The following DDB2 variants were observed in gnomAD, a reference collection of about 807,000 sequenced individuals.
The protein encoded by DDB2 is DNA damage-binding protein 2.
In DDB2, 27 loss-of-function variants were observed where a neutral mutation model predicts 50.5. The observed-to-expected ratio is 0.53, with a 90% confidence interval of 0.39 to 0.74. The LOEUF is 0.74. Ranked by LOEUF, DDB2 falls within the 30% of genes least tolerant of loss-of-function variation. The pLI is 0.00. For synonymous variants in DDB2, 176 were observed against 205.5 expected, an observed-to-expected ratio of 0.86 and a Z score of 1.23; for missense variants, 424 against 545.6, an observed-to-expected ratio of 0.78 and a Z score of 2.22.
chr11:47,230,281 C>T (rs186707579), intron 3 of DDB2, among the ~76,000 whole-genome samples: 1 of 152,226 alleles, frequency 6.6e-6, no homozygotes, highest in East Asian at 1.9e-4. Context: ...GTTTTGAACT[C>T]CTGGCCTTAA....
At chr11:47,216,198 C>T (rs1386592078) in intron 1 of DDB2, 138 bp from the exon 2 acceptor site, 8 of 1,309,056 alleles carry the variant, frequency 6.1e-6, no homozygotes, top group Non-Finnish European at 7.7e-6. Context: ...GTTGAGACCA[C>T]ACAGACATGG....
intron 3 of DDB2, among the ~76,000 whole-genome samples, chr11:47,218,621 G>A (rs957696403): frequency 6.6e-5 from 10 of 151,986 alleles, no homozygotes; most frequent in East Asian, 1.9e-4. Context: ...TGAGTGTGTC[G>A]TCCCCTCTAG....
At position 47,237,713 on chromosome 11, in the gene DDB2, G is replaced by C. The variant is rs3781620; in HGVS notation, c.1024-124G>C. On this transcript the variant is annotated intron_variant, in intron 7 of 9. Coordinates refer to ENST00000256996, the MANE Select transcript of DDB2 (RefSeq NM_000107.3). ...GCCTCCCAAAGTGTTGAGATTACAG[G>C]TGTGAGCCACTGCACTCAGCCCAAA... 0.22 allele frequency: 207,946 copies of C among 961,424 alleles called. 30,249 individuals carry two copies. The highest frequency in any genetic ancestry group is 0.65 in the East Asian group (26,419 of 40,358). 59.6% of individuals were successfully genotyped at this position (961,424 alleles called of 1,614,324 possible). A position where few individuals can be genotyped will look rare whatever the true frequency, so the allele number is the denominator to read the frequency against.
chr11:47,233,149 T>G, intron 4 of DDB2, 190 bp downstream of exon 4: 1 of 690,956 alleles, frequency 1.4e-6, no homozygotes, highest in East Asian at 2.7e-5. Flanking sequence ...GGTGGGTTAC[T>G]GCTTTGGGAA....
chr11:47,229,255 GAGT>G (rs1227539374), intron 3 of DDB2, among the ~76,000 whole-genome samples: 1 of 152,136 alleles, frequency 6.6e-6, no homozygotes, highest in Non-Finnish European at 1.5e-5. Context: ...CAGGGGTGAA[GAGT>G]AGAGGAGGCC....
intron 9 of DDB2, 74 bp downstream of exon 9, chr11:47,238,257 A>C: frequency 1.5e-6 from 2 of 1,368,604 alleles, no homozygotes; most frequent in Non-Finnish European, 1.0e-6. Context: ...GGCCAGCCTC[A>C]GCCCCGCCCT....
intron 3 of DDB2, chr11:47,229,818 C>CT (rs11376360): frequency 0.5 from 165,516 of 328,350 alleles, 31,349 homozygotes; most frequent in Non-Finnish European, 0.54. Flanking sequence ...GATGGCTCTT[C>CT]TTTTTTTTTT....
intron 3 of DDB2, among the ~76,000 whole-genome samples, chr11:47,229,624 A>G (rs896690718): frequency 6.6e-6 from 1 of 152,186 alleles, no homozygotes; most frequent in Non-Finnish European, 1.5e-5. Context: ...GAAGGGAATT[A>G]TAAACATGGA....
chr11:47,217,307 C>T (rs539784579), intron 3 of DDB2: 44 of 366,396 alleles, frequency 1.2e-4, no homozygotes, highest in African/African-American at 8.8e-4. Flanking sequence ...ACCCGGGAGG[C>T]AGAGGTTGCA....
In DDB2 at chr11:47,232,879, C is replaced by T. The variant is rs1953669215; in HGVS notation, c.522C>T (p.Ala174=). The change falls in exon 4 of 10, where the codon GCC becomes GCT. Residue 174 remains alanine, a synonymous_variant. Transcript: ENST00000256996. ...FNPLNTNQFY[A]SSMEGTTRLQ... The stretch of plus-strand genomic sequence containing the variant: ...CTCTCAATACCAACCAGTTTTACGC[C>T]TCCTCAATGGAGGGAACAACTAGGC... 5.0e-6 allele frequency: 8 copies of T among 1,614,136 alleles called. No individual in the cohort carries two copies. The East Asian group carries it at 1.6e-4, about 31-fold the overall frequency.
intron 7 of DDB2, among the ~76,000 whole-genome samples, chr11:47,237,095 T>C (rs1953735935): frequency 6.6e-6 from 1 of 152,220 alleles, no homozygotes; most frequent in Non-Finnish European, 1.5e-5. Context: ...AATTTTACAC[T>C]CAGCTCTTAG....
At position 47,216,929 on chromosome 11, in the gene DDB2, G is replaced by A. The variant is rs747323146; in HGVS notation, c.336G>A (p.Arg112=). 10 of 1,614,018 alleles carry A rather than the reference G, an allele frequency of 6.2e-6. No homozygotes were observed. The highest frequency in any genetic ancestry group is 8.5e-6 in the Non-Finnish European group (10 of 1,180,028). ...RILQKAAPFD[R]RATSLAWHPT... ...TACAAAAGGCTGCCCCCTTTGACAG[G>A]AGGGCTACATCCTTGGCGTGGCACC... is the stretch of plus-strand genomic sequence containing the variant. Residue 112 remains arginine, a synonymous_variant, in exon 3 of 10, where the codon AGG becomes AGA. Coordinates refer to ENST00000256996, the MANE Select transcript of DDB2 (RefSeq NM_000107.3).
intron 6 of DDB2, 115 bp from the exon 7 acceptor site, chr11:47,235,155 C>G: frequency 6.8e-7 from 1 of 1,480,574 alleles, no homozygotes; most frequent in Non-Finnish European, 9.4e-7. Context: ...TCTTCCTTTC[C>G]GCTCCTGTCT....
intron 4 of DDB2, among the ~76,000 whole-genome samples, chr11:47,233,844 C>G (rs1005620079): frequency 6.6e-6 from 1 of 152,108 alleles, no homozygotes; most frequent in Non-Finnish European, 1.5e-5. Context: ...TGGGCTGTCC[C>G]GCAGGGATGA....
At chr11:47,234,483 C>A in intron 4 of DDB2, 90 bp from the exon 5 acceptor site, 1 of 975,108 alleles carries the variant, frequency 1.0e-6, no homozygotes, top group Non-Finnish European at 1.7e-6. Flanking sequence ...TATTGAATGC[C>A]CGCTGTGGGT....
intron 3 of DDB2, among the ~76,000 whole-genome samples, chr11:47,224,331 G>A (rs1218424707): frequency 1.3e-5 from 2 of 151,996 alleles, no homozygotes; most frequent in Admixed American, 6.6e-5. Flanking sequence ...GGGTTCAAGC[G>A]ATTCTCCCTG....
At chr11:47,214,907 T>A, upstream of DDB2, 1 of 590,922 alleles carries the variant, frequency 1.7e-6, no homozygotes, top group Non-Finnish European at 2.9e-6. Flanking sequence ...CACCACCCCC[T>A]CCCCGCGCCC....
intron 3 of DDB2, among the ~76,000 whole-genome samples, chr11:47,230,253 T>C (rs1953628460): frequency 6.6e-6 from 1 of 151,988 alleles, no homozygotes; most frequent in African/African-American, 2.4e-5. Flanking sequence ...TGAGCCAGGA[T>C]TGCACCACTG....
Position 47,237,891 on chromosome 11 carries a change from A to C in DDB2, c.1078A>C (p.Asn360His). The change falls in exon 8 of 10, where the codon AAT (asparagine) becomes CAT (histidine). Residue 360 changes from asparagine (N) to histidine (H), a missense_variant. Physicochemically the swap from Asn to His is moderately conservative, Grantham distance 68. Coordinates refer to ENST00000256996, the MANE Select transcript of DDB2 (RefSeq NM_000107.3). Reference sequence around the variant, plus strand: ...TGTTGTGGGCCGATACCCAGATCCTAATTTCAAAAGTTGTACCCCTTATGA... The same window carrying C: ...TGTTGTGGGCCGATACCCAGATCCTCATTTCAAAAGTTGTACCCCTTATGA... ...LIVVGRYPDP[N>H]FKSCTPYELR... 1 of 1,614,088 alleles carries C rather than the reference A, an allele frequency of 6.2e-7. No individual in the cohort carries two copies. The highest frequency in any genetic ancestry group is 8.5e-7 in the Non-Finnish European group (1 of 1,180,012).
Sources: allele counts gnomAD v4.1 joint callset (sites outside exome capture counted in the v4.1 genomes callset), GRCh38; gene constraint gnomAD v4.1.1; transcripts MANE v1.5; gene names NCBI Gene and HGNC (gene_info 2026-07-23, HGNC 2026-07-21).